The following CFAP299 variants were observed in gnomAD, a reference collection of about 807,000 sequenced individuals.
CFAP299 encodes cilia and flagella associated protein 299, also known as cilia- and flagella-associated protein 299.
Under a neutral mutation model 27.0 loss-of-function variants are expected in CFAP299, and 21 were observed. That is an observed-to-expected ratio of 0.78 (90% CI 0.55 to 1.12). CFAP299 has a LOEUF of 1.12. Ranked by LOEUF, CFAP299 falls within the 50% of genes most tolerant of loss-of-function variation. CFAP299 has a pLI of 0.00. For missense variants in CFAP299, 310 were observed against 276.6 expected, an observed-to-expected ratio of 1.12 and a Z score of -0.86; for synonymous variants, 104 against 98.1, an observed-to-expected ratio of 1.06 and a Z score of -0.36.
At chr4:80,866,093 A>ATATATATATATATC (rs1249405090) in intron 3 of CFAP299, among the ~76,000 whole-genome samples, 4 of 127,270 alleles carry the variant, frequency 3.1e-5, no homozygotes, top group Non-Finnish European at 6.6e-5. Context: ...ATATATATAT[A>ATATATATATATATC]TATCTTCCCA....
At chr4:80,646,107 A>G (rs1739997098) in intron 3 of CFAP299, among the ~76,000 whole-genome samples, 2 of 152,178 alleles carry the variant, frequency 1.3e-5, no homozygotes, top group Admixed American at 6.6e-5. Context: ...TTGAACCACA[A>G]GTTAATGGAA....
rs117591378 is a variant in CFAP299 at position 80,374,078 on chromosome 4, G to A, written c.242+11194G>A. 4.1e-4 allele frequency among the ~76,000 whole-genome samples: 62 copies of A among 152,256 alleles called. No homozygotes were observed. The East Asian group carries it at 4.2e-3, about 10-fold the overall frequency. On this transcript the variant is annotated intron_variant, in intron 2 of 5. Transcript: ENST00000358105. ...CTGCACTCAGTGTAGGCCATTGCTT[G>A]TTCCAGGTTTCTTGGAGTCACGCTA...
At chr4:80,739,837 G>A (rs1418198805) in intron 3 of CFAP299, among the ~76,000 whole-genome samples, 1 of 151,800 alleles carries the variant, frequency 6.6e-6, no homozygotes, top group Non-Finnish European at 1.5e-5. Flanking sequence ...AGATCTTGTA[G>A]GTGTGCTTCT....
chr4:80,407,328 G>A (rs1476277539), intron 2 of CFAP299, among the ~76,000 whole-genome samples: 2 of 152,164 alleles, frequency 1.3e-5, no homozygotes, highest in Non-Finnish European at 2.9e-5. Flanking sequence ...GCTCACAAGT[G>A]TATGGGTTGG....
chr4:80,733,552 C>T (rs149210366), intron 3 of CFAP299, among the ~76,000 whole-genome samples: 200 of 152,144 alleles, frequency 1.3e-3, no homozygotes, highest in African/African-American at 4.2e-3. Flanking sequence ...CTAGGTCTTA[C>T]TCATTATTTC....
In CFAP299 at chr4:80,620,479, GA is replaced by G. The variant is rs554879003; in HGVS notation, c.333+37300del. Reference sequence around the variant, plus strand: ...GCAGACATGTTCATATAACAGTTTTGAAAAGAATTTAACACATCTTATATTT... The same window carrying G: ...GCAGACATGTTCATATAACAGTTTTGAAAGAATTTAACACATCTTATATTT... On this transcript the variant is annotated intron_variant, in intron 3 of 5. Transcript: ENST00000358105. Among the ~76,000 whole-genome samples the G allele has an allele frequency of 1.2e-4, 19 of 152,158 alleles. No homozygotes were observed. In the East Asian group the frequency reaches 2.5e-3, roughly 20 times the overall value.
intron 4 of CFAP299, among the ~76,000 whole-genome samples, chr4:80,932,657 A>G (rs1736679350): frequency 6.6e-6 from 1 of 152,310 alleles, no homozygotes; most frequent in South Asian, 2.1e-4. Flanking sequence ...ATGTTTTAGC[A>G]TTGTTTAAAT....
At chr4:80,584,755 A>T (rs1412179120) in intron 3 of CFAP299, among the ~76,000 whole-genome samples, 1 of 151,850 alleles carries the variant, frequency 6.6e-6, no homozygotes, top group East Asian at 1.9e-4. Context: ...AGAAACCTAG[A>T]TTTTTTTTCA....
At chr4:80,381,006 G>A (rs1035826805) in intron 2 of CFAP299, among the ~76,000 whole-genome samples, 1 of 151,938 alleles carries the variant, frequency 6.6e-6, no homozygotes, top group Non-Finnish European at 1.5e-5. Context: ...TCTCCCAAAT[G>A]ACATTTCTCT....
At chr4:80,608,761 G>T (rs529389689) in intron 3 of CFAP299, among the ~76,000 whole-genome samples, 12 of 152,056 alleles carry the variant, frequency 7.9e-5, no homozygotes, top group Admixed American at 2.0e-4. Context: ...AAGCCAGGAG[G>T]TTTAATGAGT....
intron 3 of CFAP299, among the ~76,000 whole-genome samples, chr4:80,628,685 AT>A (rs1234816646): frequency 6.6e-6 from 1 of 152,176 alleles, no homozygotes; most frequent in Non-Finnish European, 1.5e-5. Context: ...CTGAACAGAC[AT>A]TTCTTAAGGC....
intron 2 of CFAP299, among the ~76,000 whole-genome samples, chr4:80,498,447 C>T (rs1382326646): frequency 2.0e-5 from 3 of 152,034 alleles, no homozygotes; most frequent in African/African-American, 7.2e-5. Flanking sequence ...TAAACAGACA[C>T]CTCTCAAAAC....
intron 3 of CFAP299, among the ~76,000 whole-genome samples, chr4:80,691,894 C>A (rs551731815): frequency 1.3e-5 from 2 of 152,196 alleles, no homozygotes; most frequent in Admixed American, 6.5e-5. Flanking sequence ...TTCTTATACA[C>A]CAACAACAGA....
chr4:80,390,699 A>G lies in CFAP299; in HGVS notation c.242+27815A>G, dbSNP rs375274248. The stretch of plus-strand genomic sequence containing the variant: ...CATGTATACACACATATATGTGTAT[A>G]TATGTATATATGTATACACACATAC... On this transcript the variant is annotated intron_variant, in intron 2 of 5. Coordinates refer to ENST00000358105, the MANE Select transcript of CFAP299 (RefSeq NM_152770.3). Among the ~76,000 whole-genome samples the G allele has an allele frequency of 2.4e-3, 357 of 145,806 alleles. 3 individuals are homozygous for G. The highest frequency in any genetic ancestry group is 0.023 in the South Asian group (105 of 4,652).
At chr4:80,817,321 A>G (rs1001585852) in intron 3 of CFAP299, among the ~76,000 whole-genome samples, 15 of 151,934 alleles carry the variant, frequency 9.9e-5, no homozygotes, top group African/African-American at 3.4e-4. Flanking sequence ...GAAAACCGAT[A>G]AATAAATACT....
intron 1 of CFAP299, among the ~76,000 whole-genome samples, chr4:80,349,842 C>T (rs573339520): frequency 1.3e-5 from 2 of 152,264 alleles, no homozygotes; most frequent in South Asian, 4.1e-4. Context: ...ATGGTTGCTA[C>T]TACTAGTAAT....
chr4:80,864,437 T>C (rs1056735769), intron 3 of CFAP299, among the ~76,000 whole-genome samples: 2 of 146,488 alleles, frequency 1.4e-5, no homozygotes, highest in African/African-American at 5.0e-5. Context: ...TAGGTATATA[T>C]ATATATATAT....
At chr4:80,737,751 A>G (rs1233988118) in intron 3 of CFAP299, among the ~76,000 whole-genome samples, 2 of 152,108 alleles carry the variant, frequency 1.3e-5, no homozygotes, top group Non-Finnish European at 2.9e-5. Flanking sequence ...AAAAGAAGAA[A>G]AAAATTAAAA....
At chr4:80,865,397 CA>C (rs1262940100) in intron 3 of CFAP299, among the ~76,000 whole-genome samples, 1 of 152,076 alleles carries the variant, frequency 6.6e-6, no homozygotes, top group African/African-American at 2.4e-5. Flanking sequence ...AAATTTCAAC[CA>C]ACCCTCAAGT....
Sources: allele counts gnomAD v4.1 joint callset (sites outside exome capture counted in the v4.1 genomes callset), GRCh38; gene constraint gnomAD v4.1.1; transcripts MANE v1.5; gene names NCBI Gene and HGNC (gene_info 2026-07-23, HGNC 2026-07-21).